The following FGD1 variants were observed in gnomAD, a reference collection of about 807,000 sequenced individuals.
The protein encoded by FGD1 is FYVE, RhoGEF and PH domain-containing protein 1.
FGD1 carries 12 observed loss-of-function variants against 65.0 expected under a neutral mutation model. The ratio of observed to expected loss-of-function variants is 0.18; its 90% CI spans 0.12 to 0.30. The LOEUF is 0.30. FGD1 is among the 10% of genes least tolerant of loss of function. The probability of loss-of-function intolerance (pLI) is 1.00; values close to 1 mark genes in which losing one functional copy is unlikely to be tolerated. For synonymous variants in FGD1, 333 were observed against 343.9 expected (o/e 0.97, Z 0.35); for missense variants, 542 against 837.6 (o/e 0.65, Z 4.36).
chrX:54,452,266 C>CAAAAAAAAAAAAAAAAAAAAAAAAAAAA (rs776104292), intron 12 of FGD1, among the ~76,000 whole-genome samples: 1 of 28,825 alleles, frequency 3.5e-5, no homozygotes. Context: ...GACCCTATCT[C>CAAAAAAAAAAAAAAAAAAAAAAAAAAAA]AAAAAAAAAA....
chrX:54,476,357 CTTT>C (rs148927324), intron 1 of FGD1, among the ~76,000 whole-genome samples: 3 of 99,397 alleles, frequency 3.0e-5, no homozygotes, highest in East Asian at 3.1e-4. Flanking sequence ...TTCTCCAGCC[CTTT>C]TTTTTTTTTT....
At chrX:54,494,402 C>CT (rs56235590) in intron 1 of FGD1, among the ~76,000 whole-genome samples, 4,185 of 60,650 alleles carry the variant, frequency 0.069, 270 homozygotes, top group East Asian at 0.3. Flanking sequence ...CACCGTCTTT[C>CT]TTTTTTTTTT....
At chrX:54,456,781 T>A (rs1332507133) in intron 8 of FGD1, among the ~76,000 whole-genome samples, 4 of 110,383 alleles carry the variant, frequency 3.6e-5, no homozygotes, top group African/African-American at 1.3e-4. Flanking sequence ...TACAGGCACG[T>A]GCCACCATGC....
At chrX:54,483,441 T>C (rs1923201430) in intron 1 of FGD1, among the ~76,000 whole-genome samples, 1 of 112,270 alleles carries the variant, frequency 8.9e-6, no homozygotes, top group Non-Finnish European at 1.9e-5. Context: ...GAAGGGCTTC[T>C]ATGCCAGCTG....
At chrX:54,474,372 C>G in intron 1 of FGD1, among the ~76,000 whole-genome samples, 1 of 112,842 alleles carries the variant, frequency 8.9e-6, no homozygotes, top group East Asian at 2.8e-4. Context: ...TAGCCCAACC[C>G]ACAGGGTTCC....
At chrX:54,490,777 C>T (rs1376020397) in intron 1 of FGD1, among the ~76,000 whole-genome samples, 2 of 111,385 alleles carry the variant, frequency 1.8e-5, no homozygotes, top group African/African-American at 3.3e-5. Flanking sequence ...TTTCAGAAAA[C>T]AACATGGAGC....
intron 12 of FGD1, among the ~76,000 whole-genome samples, chrX:54,451,624 C>T (rs1314836735): frequency 9.3e-6 from 1 of 107,188 alleles, no homozygotes; most frequent in Non-Finnish European, 1.9e-5. Context: ...TTTTATTGGC[C>T]AGGTGCAGCG....
At chrX:54,487,529 G>A (rs184153540) in intron 1 of FGD1, among the ~76,000 whole-genome samples, 6 of 112,743 alleles carry the variant, frequency 5.3e-5, no homozygotes, top group Admixed American at 3.8e-4. Context: ...ACTGCCCAAA[G>A]CAATTTACAG....
chrX:54,476,028 G>A (rs1227252634), intron 1 of FGD1, among the ~76,000 whole-genome samples: 1 of 111,854 alleles, frequency 8.9e-6, no homozygotes, highest in African/African-American at 3.3e-5. Context: ...TCGCACCATT[G>A]CACTCCAGCC....
chrX:54,474,112 G>A (rs1389502582), intron 1 of FGD1, among the ~76,000 whole-genome samples: 7 of 111,261 alleles, frequency 6.3e-5, no homozygotes. Context: ...ATTCCCCATG[G>A]AGACCAAGGG....
At chrX:54,460,102 TA>T (rs146001476) in intron 8 of FGD1, among the ~76,000 whole-genome samples, 8,707 of 88,890 alleles carry the variant, frequency 0.098, 565 homozygotes, top group East Asian at 0.49. Context: ...CCGTCTCTAC[TA>T]AAAAAAAAAT....
chrX:54,470,782 A>C lies in FGD1; in HGVS notation c.482-22T>G, dbSNP rs752629884. On this transcript the variant is annotated intron_variant, in intron 2 of 17. Transcript: ENST00000375135. ...GGCACTGGAGAGACGAATGGGGAAG[A>C]GAGAAGGGAGACATCAGTGAGCTGG... 1.5e-4 allele frequency: 136 copies of C among 915,818 alleles called. 1 individual carries two copies. The South Asian group carries it at 3.0e-3, about 20-fold the overall frequency. The allele number at this position is 915,818 out of a possible 1,213,427, so 75.5% of individuals were successfully genotyped here.
intron 1 of FGD1, among the ~76,000 whole-genome samples, chrX:54,473,004 T>C (rs761682746): frequency 9.0e-6 from 1 of 111,404 alleles, no homozygotes; most frequent in South Asian, 3.8e-4. Context: ...TTGGTGTTAT[T>C]TACACCATTT....
intron 8 of FGD1, among the ~76,000 whole-genome samples, chrX:54,462,639 G>A (rs1377811181): frequency 2.8e-5 from 3 of 108,227 alleles, no homozygotes; most frequent in Non-Finnish European, 3.8e-5. Flanking sequence ...TGATCTGCCC[G>A]CCTCAGCCTC....
intron 1 of FGD1, among the ~76,000 whole-genome samples, chrX:54,479,236 C>T (rs972035924): frequency 3.6e-5 from 4 of 112,167 alleles, no homozygotes; most frequent in Non-Finnish European, 7.5e-5. Flanking sequence ...CCCATTCCCA[C>T]TGGAACTGGA....
chrX:54,452,606 C>T (rs957521027), intron 12 of FGD1, among the ~76,000 whole-genome samples: 7 of 110,481 alleles, frequency 6.3e-5, no homozygotes, highest in Admixed American at 1.9e-4. Flanking sequence ...ATTAGCCGGG[C>T]GCGGTGGCAT....
intron 6 of FGD1, among the ~76,000 whole-genome samples, chrX:54,466,812 C>A (rs144794480): frequency 9.4e-6 from 1 of 106,690 alleles, no homozygotes; most frequent in Non-Finnish European, 1.9e-5. Flanking sequence ...TGCAGTGGTA[C>A]GATCTCGGCT....
At chrX:54,464,282 C>T (rs1476716255) in intron 8 of FGD1, among the ~76,000 whole-genome samples, 8 of 109,658 alleles carry the variant, frequency 7.3e-5, no homozygotes, top group African/African-American at 1.0e-4. Flanking sequence ...TACAGGTGCC[C>T]GCCACCACGC....
chrX:54,495,441 C>A lies in FGD1; in HGVS notation c.-9G>T. The A allele has an allele frequency of 1.0e-6, 1 of 979,718 alleles. No individual in the cohort carries two copies. Among genetic ancestry groups the A allele is most frequent in the Non-Finnish European group, 1.3e-6 (1 of 784,271 alleles). The allele number at this position is 979,718 out of a possible 1,213,427, so 80.7% of individuals were successfully genotyped here. Reference sequence around the variant, plus strand: ...GCTCGGTGGCCATGCATGGTCCGGGCCTGGGCGCGGGGCCCGAGCTCCCCG... The same window carrying A: ...GCTCGGTGGCCATGCATGGTCCGGGACTGGGCGCGGGGCCCGAGCTCCCCG... On this transcript the variant is annotated 5_prime_UTR_variant, in exon 1 of 18. Coordinates refer to ENST00000375135, the MANE Select transcript of FGD1 (RefSeq NM_004463.3).
Sources: allele counts gnomAD v4.1 joint callset (sites outside exome capture counted in the v4.1 genomes callset), GRCh38; gene constraint gnomAD v4.1.1; transcripts MANE v1.5; gene names NCBI Gene and HGNC (gene_info 2026-07-23, HGNC 2026-07-21).